The following DOCK8 variants were observed in gnomAD, a reference collection of about 807,000 sequenced individuals.
DOCK8 encodes dedicator of cytokinesis protein 8.
A neutral mutation model predicts 245.6 loss-of-function variants in DOCK8; 141 were observed. The ratio of observed to expected loss-of-function variants is 0.57; its 90% CI spans 0.50 to 0.66. The LOEUF (loss-of-function observed/expected upper bound fraction) is 0.66, where lower values mean the gene tolerates loss of function less well. DOCK8 is among the 30% of genes least tolerant of loss of function. The pLI, the probability that DOCK8 is intolerant of heterozygous loss-of-function variation, is 0.00. For synonymous variants in DOCK8, 1,168 were observed against 970.2 expected (o/e 1.20, Z -3.79); for missense variants, 2,965 against 2,603.4 (o/e 1.14, Z -3.02).
chr9:415,346 A>G (rs2055945126), intron 29 of DOCK8, among the ~76,000 whole-genome samples: 1 of 152,172 alleles, frequency 6.6e-6, no homozygotes, highest in South Asian at 2.1e-4. Flanking sequence ...ATGTAAGCAA[A>G]AAAGCGGTCT....
intron 14 of DOCK8, among the ~76,000 whole-genome samples, chr9:353,162 T>G (rs1372030923): frequency 1.3e-5 from 2 of 152,186 alleles, no homozygotes; most frequent in Non-Finnish European, 2.9e-5. Flanking sequence ...TGACATGTAA[T>G]GCAACTTTGT....
chr9:378,646 A>G (rs2053614835), intron 20 of DOCK8, among the ~76,000 whole-genome samples: 1 of 152,218 alleles, frequency 6.6e-6, no homozygotes, highest in South Asian at 2.1e-4. Context: ...TGTTCCAGCT[A>G]GTTAATACAG....
At chr9:452,208 G>A in intron 46 of DOCK8, 91 bp downstream of exon 46, 1 of 828,154 alleles carries the variant, frequency 1.2e-6, no homozygotes, top group Non-Finnish European at 2.0e-6. Context: ...CTGAGAACTT[G>A]CTAGAAAGAC....
intron 4 of DOCK8, among the ~76,000 whole-genome samples, chr9:298,654 T>TGTGTGTGA (rs763390567): frequency 7.8e-6 from 1 of 128,254 alleles, no homozygotes; most frequent in Non-Finnish European, 1.7e-5. Flanking sequence ...TGTGTGTGTG[T>TGTGTGTGA]CAGAGAGAGA....
intron 1 of DOCK8, among the ~76,000 whole-genome samples, chr9:261,427 T>C (rs1024051809): frequency 2.0e-5 from 3 of 152,238 alleles, no homozygotes; most frequent in African/African-American, 7.2e-5. Flanking sequence ...AGAGCTAGTA[T>C]GTTTTTGTTG....
chr9:301,990 A>G (rs1352551579), intron 4 of DOCK8, among the ~76,000 whole-genome samples: 1 of 152,098 alleles, frequency 6.6e-6, no homozygotes, highest in Non-Finnish European at 1.5e-5. Context: ...AGAATTTAAA[A>G]AAAAAAACCT....
intron 14 of DOCK8, among the ~76,000 whole-genome samples, chr9:347,465 C>T (rs1235153746): frequency 6.6e-6 from 1 of 152,166 alleles, no homozygotes; most frequent in Non-Finnish European, 1.5e-5. Context: ...GTGATCATGC[C>T]ACTGCCCTCC....
At chr9:421,907 C>G in intron 32 of DOCK8, 141 bp from the exon 33 acceptor site, 1 of 754,652 alleles carries the variant, frequency 1.3e-6, no homozygotes, top group Non-Finnish European at 2.3e-6. Flanking sequence ...GCGACTTTGT[C>G]TCCTACCAGC....
intron 10 of DOCK8, among the ~76,000 whole-genome samples, chr9:332,792 G>T (rs778714718): frequency 2.6e-5 from 4 of 151,086 alleles, no homozygotes; most frequent in Non-Finnish European, 4.4e-5. Flanking sequence ...TGAGCAGCTG[G>T]TACTACAGGC....
intron 1 of DOCK8, among the ~76,000 whole-genome samples, chr9:259,130 G>C (rs2047855130): frequency 6.6e-6 from 1 of 152,000 alleles, no homozygotes; most frequent in African/African-American, 2.4e-5. Context: ...AACATAGCAT[G>C]ACCCATCTCG....
In DOCK8 at chr9:271,844, C is replaced by T. The variant is rs375403588; in HGVS notation, c.156+115C>T. On this transcript the variant is annotated intron_variant, in intron 2 of 47. Coordinates refer to ENST00000432829, the MANE Select transcript of DOCK8 (RefSeq NM_203447.4). ...ACCATCACCTCACATTCTCCAGTCA[C>T]CAGATCCTAACTCTGTGACTGTGTC... The T allele has an allele frequency of 9.7e-6, 7 of 723,850 alleles. No homozygotes were observed. In the East Asian group the frequency reaches 1.9e-4, roughly 20 times the overall value. 44.8% of individuals were successfully genotyped at this position (723,850 alleles called of 1,614,324 possible). A position where few individuals can be genotyped will look rare whatever the true frequency, so the allele number is the denominator to read the frequency against.
intron 38 of DOCK8, 65 bp downstream of exon 38, chr9:434,040 C>A (rs2056810757): frequency 8.8e-7 from 1 of 1,131,634 alleles, no homozygotes; most frequent in Non-Finnish European, 1.4e-6. Context: ...CTGTGGAGTT[C>A]TTACTAATGT....
chr9:429,026 G>C (rs753710655), intron 35 of DOCK8, among the ~76,000 whole-genome samples: 24 of 152,202 alleles, frequency 1.6e-4, no homozygotes, highest in Non-Finnish European at 3.5e-4. Flanking sequence ...GGAGTGCAGT[G>C]GTACCATCTC....
intron 11 of DOCK8, 60 bp from the exon 12 acceptor site, chr9:336,522 T>G: frequency 6.2e-7 from 1 of 1,609,432 alleles, no homozygotes; most frequent in Non-Finnish European, 8.5e-7. Flanking sequence ...GTGAAGTTAA[T>G]AACTGCTGTG....
rs148177924 is a variant in DOCK8, at chr9:370,232, C to A, written c.1800C>A (p.Val600=). The A allele has an allele frequency of 4.7e-5, 76 of 1,613,528 alleles. No individual in the cohort carries two copies. Among genetic ancestry groups the A allele is most frequent in the Non-Finnish European group, 4.5e-5 (53 of 1,179,520 alleles). The change falls in exon 16 of 48, where the codon GTC becomes GTA. Residue 600 remains valine (V), a splice_region_variant and synonymous_variant. Transcript: ENST00000432829. The part of the protein sequence containing the change: ...CGEDASNAMP[V]IFGKSSGPEF... ...ATCCTTTCTCTACTGGTGAACAGGT[C>A]ATCTTTGGAAAATCCAGCGGGCCTG...
At chr9:452,371 GTAAC>G (rs917371945) in intron 46 of DOCK8, 7 of 267,552 alleles carry the variant, frequency 2.6e-5, no homozygotes, top group Admixed American at 5.0e-5. Flanking sequence ...CTACTAATGA[GTAAC>G]TAACACGTCA....
chr9:214,706 G>T (rs540473), upstream of DOCK8: 35 of 1,555,922 alleles, frequency 2.2e-5, no homozygotes, highest in Non-Finnish European at 3.0e-5. Flanking sequence ...CCCCAGTATC[G>T]GGAGGCCAGT....
chr9:224,747 C>T (rs1259609037), intron 1 of DOCK8, among the ~76,000 whole-genome samples: 1 of 152,154 alleles, frequency 6.6e-6, no homozygotes, highest in Non-Finnish European at 1.5e-5. Flanking sequence ...GGAAGACAAA[C>T]TGGAGCTCCC....
rs985581986 is a variant in DOCK8, at chr9:340,031, C to T, written c.1517-128C>T. The T allele has an allele frequency of 2.7e-5, 28 of 1,051,558 alleles. No homozygotes were observed. The African/African-American group carries it at 3.9e-4, about 14-fold the overall frequency. The allele number at this position is 1,051,558 out of a possible 1,614,324, so 65.1% of individuals were successfully genotyped here. ...TTTCTCAAGCTGTAGGAAATTAGCTCCAAAACTTTTTTACAGTACTATAGT... is the reference window on the plus strand; with the variant it reads ...TTTCTCAAGCTGTAGGAAATTAGCTTCAAAACTTTTTTACAGTACTATAGT... On this transcript the variant is annotated intron_variant, in intron 13 of 47. Coordinates refer to ENST00000432829, the MANE Select transcript of DOCK8 (RefSeq NM_203447.4).
Sources: allele counts gnomAD v4.1 joint callset (sites outside exome capture counted in the v4.1 genomes callset), GRCh38; gene constraint gnomAD v4.1.1; transcripts MANE v1.5; gene names NCBI Gene and HGNC (gene_info 2026-07-23, HGNC 2026-07-21).